Variants in LMO7 observed in about 807,000 individuals in gnomAD.
LMO7 encodes LIM domain only protein 7.
LMO7 carries 120 observed loss-of-function variants against 206.5 expected under a neutral mutation model. The ratio of observed to expected loss-of-function variants is 0.58; its 90% CI spans 0.50 to 0.68. LMO7 has a LOEUF of 0.68. Ranked by LOEUF, LMO7 falls within the 30% of genes least tolerant of loss-of-function variation. LMO7 has a pLI of 0.00. For missense variants in LMO7, 1,959 were observed against 1,957.9 expected (o/e 1.00, Z -0.01); for synonymous variants, 706 against 681.5 (o/e 1.04, Z -0.56).
At chr13:75,684,642 G>A (rs1180913138) in intron 1 of LMO7, among the ~76,000 whole-genome samples, 1 of 151,664 alleles carries the variant, frequency 6.6e-6, no homozygotes, top group East Asian at 1.9e-4. Flanking sequence ...AGGTAAATAG[G>A]GTTAAATAGA....
intron 14 of LMO7, among the ~76,000 whole-genome samples, chr13:75,822,811 TA>T (rs2057726635): frequency 9.4e-6 from 1 of 106,200 alleles, no homozygotes; most frequent in African/African-American, 3.4e-5. Context: ...CTAAAAATTA[TA>T]TATATATAAT....
chr13:75,694,651 T>G (rs191263477), intron 1 of LMO7, among the ~76,000 whole-genome samples: 1 of 151,974 alleles, frequency 6.6e-6, no homozygotes, highest in Non-Finnish European at 1.5e-5. Flanking sequence ...GTCTGGGACG[T>G]TGGGAGAATG....
intron 1 of LMO7, among the ~76,000 whole-genome samples, chr13:75,670,757 C>G (rs1006493480): frequency 1.3e-5 from 2 of 152,116 alleles, no homozygotes; most frequent in African/African-American, 2.4e-5. Context: ...AGTTTATAAA[C>G]ACTGTATACT....
chr13:75,815,866 A>G (rs562566841), intron 11 of LMO7, among the ~76,000 whole-genome samples: 3 of 152,290 alleles, frequency 2.0e-5, no homozygotes, highest in African/African-American at 7.2e-5. Context: ...TCAGATGTGG[A>G]TGATTGGAGG....
intron 2 of LMO7, chr13:75,626,845 C>G (rs1350030889): frequency 6.6e-6 from 1 of 151,858 alleles, no homozygotes; most frequent in Admixed American, 6.6e-5. Context: ...CCCAGCCTCT[C>G]AAAGTGCTGG....
In LMO7 at chr13:75,701,817, G is replaced by T. The variant is rs1445529479; in HGVS notation, c.70-11365G>T. On this transcript the variant is annotated intron_variant, in intron 1 of 30. Transcript: ENST00000377534. ...TAATGAAGCATAGGCTGTAAAACTA[G>T]CACATTTTGTATGTGTTTTCGGTGA... 2.0e-5 allele frequency among the ~76,000 whole-genome samples: 3 copies of T among 152,250 alleles called. No individual in the cohort carries two copies. The East Asian group carries it at 5.8e-4, about 29-fold the overall frequency.
At chr13:75,698,808 A>G (rs1188621622) in intron 1 of LMO7, among the ~76,000 whole-genome samples, 5 of 152,176 alleles carry the variant, frequency 3.3e-5, no homozygotes, top group African/African-American at 7.2e-5. Flanking sequence ...TTTTTAAAAA[A>G]ACATTTATTG....
At chr13:75,791,436 T>C (rs1351539159) in intron 4 of LMO7, among the ~76,000 whole-genome samples, 1 of 152,348 alleles carries the variant, frequency 6.6e-6, no homozygotes, top group East Asian at 1.9e-4. Flanking sequence ...GCTTTTATCA[T>C]TTCAGGCTTT....
chr13:75,853,442 A>G, intron 28 of LMO7, 54 bp downstream of exon 28: 1 of 1,449,800 alleles, frequency 6.9e-7, no homozygotes, highest in South Asian at 1.4e-5. Flanking sequence ...TTTTTTCATT[A>G]AAATATCCCC....
At chr13:75,732,226 A>G (rs1008352726) in intron 3 of LMO7, among the ~76,000 whole-genome samples, 14 of 152,254 alleles carry the variant, frequency 9.2e-5, no homozygotes, top group African/African-American at 3.4e-4. Context: ...GTGTTTTCCA[A>G]CTTGGTTCCA....
chr13:75,820,997 CAAA>C (rs33919449), intron 13 of LMO7, among the ~76,000 whole-genome samples, 177 bp from the exon 14 acceptor site: 20 of 126,748 alleles, frequency 1.6e-4, no homozygotes, highest in Non-Finnish European at 1.7e-4. Context: ...GATTCGGTCT[CAAA>C]AAAAAAAAAA....
At chr13:75,828,028 A>C (rs1403615821) in intron 15 of LMO7, among the ~76,000 whole-genome samples, 1 of 152,220 alleles carries the variant, frequency 6.6e-6, no homozygotes, top group East Asian at 1.9e-4. Flanking sequence ...CTGTCAGCGC[A>C]GTGTCTGCAT....
rs533041925 is a variant in LMO7 at position 75,833,189 on chromosome 13, TG to T, written c.3064+25del. On this transcript the variant is annotated intron_variant, in intron 16 of 30. Transcript: ENST00000377534. ...AGGTAAATTATGTGTTTAGCTCTAC[TG>T]AATTTTCTTCTCCTTTTCTATCCTT... 2.9e-4 allele frequency: 370 copies of T among 1,286,178 alleles called. 1 individual carries two copies. In the African/African-American group the frequency reaches 4.8e-3, roughly 17 times the overall value. The allele number at this position is 1,286,178 out of a possible 1,614,324, so 79.7% of individuals were successfully genotyped here.
At chr13:75,703,224 A>T (rs1480404097) in intron 1 of LMO7, among the ~76,000 whole-genome samples, 1 of 152,216 alleles carries the variant, frequency 6.6e-6, no homozygotes, top group Non-Finnish European at 1.5e-5. Context: ...ATTCCTATAA[A>T]TTAGTAAATA....
At position 75,849,110 on chromosome 13, in the gene LMO7, C is replaced by T; in HGVS notation, c.4182C>T (p.Asn1394=). 1 of 1,609,568 alleles carries T rather than the reference C, an allele frequency of 6.2e-7. No homozygotes were observed. Residue 1394 remains asparagine, a synonymous_variant, in exon 27 of 31, where the codon AAC becomes AAT. Coordinates refer to ENST00000377534, the MANE Select transcript of LMO7 (RefSeq NM_001306080.2). ...GNNKYLDQIG[N]MTSSQRRSKK... ...ATAAATATTTAGACCAAATTGGGAA[C>T]ATGACCTCTTCACAGAGGAGATCCA...
chr13:75,837,282 G>A (rs985408606), intron 19 of LMO7, among the ~76,000 whole-genome samples: 3 of 151,982 alleles, frequency 2.0e-5, no homozygotes, highest in Admixed American at 2.0e-4. Context: ...GTTTTCAGTT[G>A]CATTCTTTAT....
At chr13:75,821,685 A>G in intron 14 of LMO7, 76 bp downstream of exon 14, 1 of 987,122 alleles carries the variant, frequency 1.0e-6, no homozygotes, top group African/African-American at 1.6e-5. Context: ...GGTTGGGGTT[A>G]CATCAACTTG....
At chr13:75,681,563 G>A (rs2040483605) in intron 1 of LMO7, among the ~76,000 whole-genome samples, 1 of 151,426 alleles carries the variant, frequency 6.6e-6, no homozygotes. Flanking sequence ...CCCCCACCAA[G>A]TTTCTTTGTG....
At chr13:75,793,018 G>T (rs924861456) in intron 4 of LMO7, among the ~76,000 whole-genome samples, 1 of 152,142 alleles carries the variant, frequency 6.6e-6, no homozygotes, top group African/African-American at 2.4e-5. Flanking sequence ...AATGAGGTCA[G>T]GGGTTCAAGA....
Sources: gnomAD v4.1 joint callset for allele counts (sites outside exome capture counted in the v4.1 genomes callset) on GRCh38, gnomAD v4.1.1 for gene constraint, MANE v1.5 for transcripts, NCBI Gene and HGNC (gene_info 2026-07-23, HGNC 2026-07-21) for gene names.